Variants in ACACA observed in about 807,000 individuals in gnomAD.
ACACA encodes the protein acetyl-CoA carboxylase alpha, also known as acetyl-CoA carboxylase 1.
Under a neutral mutation model 296.1 loss-of-function variants are expected in ACACA, and 103 were observed. The ratio of observed to expected loss-of-function variants is 0.35; its 90% CI spans 0.30 to 0.41. The LOEUF (loss-of-function observed/expected upper bound fraction) is 0.41. Ranked by LOEUF, ACACA falls within the 10% of genes least tolerant of loss-of-function variation. ACACA has a pLI of 1.00. For missense variants in ACACA, 1,554 were observed against 2,989.7 expected (o/e 0.52, Z 11.20); for synonymous variants, 953 against 1,038.6 (o/e 0.92, Z 1.58).
Position 37,397,076 on chromosome 17 carries a change from C to T in ACACA, c.38+9186G>A, listed in dbSNP as rs149665164. On this transcript the variant is annotated intron_variant, in intron 1 of 55. Transcript: ENST00000616317. ...CGACAGGCGCTGATGTGTGATGTTC[C>T]CAGCCCTGTGTCCAAGTGTTCTCAT... Among the ~76,000 whole-genome samples the T allele has an allele frequency of 6.8e-3, 1,026 of 151,664 alleles. 8 individuals are homozygous for T. Among genetic ancestry groups the T allele is most frequent in the African/African-American group, 0.023 (970 of 41,324 alleles).
At chr17:37,371,001 T>G (rs977119568) in intron 1 of ACACA, among the ~76,000 whole-genome samples, 2 of 151,418 alleles carry the variant, frequency 1.3e-5, no homozygotes, top group Non-Finnish European at 2.9e-5. Flanking sequence ...AAAAAATACA[T>G]AGAGTTTGAT....
At position 37,330,429 on chromosome 17, in the gene ACACA, T is replaced by C. The variant is rs750346545; in HGVS notation, c.86-4A>G. On this transcript the variant is annotated splice_region_variant and splice_polypyrimidine_tract_variant and intron_variant, in intron 2 of 55. Transcript: ENST00000616317. The stretch of plus-strand genomic sequence containing the variant: ...CCTCCAAAATGAGCTCTTACAGCTA[T>C]GGAGAAAATGAAAAGTGAGAAAGGC... 1.1e-5 allele frequency: 17 copies of C among 1,614,164 alleles called. No individual in the cohort carries two copies. The highest frequency in any genetic ancestry group is 1.4e-5 in the Non-Finnish European group (17 of 1,180,032).
intron 14 of ACACA, among the ~76,000 whole-genome samples, chr17:37,254,228 A>G (rs977405902): frequency 6.6e-6 from 1 of 152,202 alleles, no homozygotes. Flanking sequence ...AGGTTGTAAG[A>G]AGGGAGAAAT....
intron 39 of ACACA, 68 bp from the exon 40 acceptor site, chr17:37,181,424 C>CTT: frequency 6.4e-7 from 1 of 1,554,674 alleles, no homozygotes; most frequent in South Asian, 1.1e-5. Flanking sequence ...CCTAGAGGGG[C>CTT]TTTTTTTGCA....
At chr17:37,316,316 C>A (rs1225013666) in intron 3 of ACACA, among the ~76,000 whole-genome samples, 3 of 151,692 alleles carry the variant, frequency 2.0e-5, no homozygotes, top group South Asian at 2.1e-4. Context: ...CACACACACA[C>A]ACACACACAC....
chr17:37,201,137 TATA>T (rs2078228401), intron 33 of ACACA, among the ~76,000 whole-genome samples: 1 of 152,158 alleles, frequency 6.6e-6, no homozygotes, highest in Admixed American at 6.5e-5. Flanking sequence ...AGGCGACTAG[TATA>T]TTAGAAGTCA....
chr17:37,337,444 A>T (rs74623231), intron 2 of ACACA, among the ~76,000 whole-genome samples: 1 of 118,250 alleles, frequency 8.5e-6, no homozygotes. Context: ...AAAAGTAAAG[A>T]AAACTATAGA....
intron 54 of ACACA, among the ~76,000 whole-genome samples, chr17:37,092,643 G>A (rs1263412915): frequency 6.6e-6 from 1 of 152,176 alleles, no homozygotes; most frequent in Non-Finnish European, 1.5e-5. Flanking sequence ...TTAGACAATG[G>A]TTCAGCAGGG....
chr17:37,260,287 TA>T (rs2081431990), intron 11 of ACACA, among the ~76,000 whole-genome samples: 511 of 27,480 alleles, frequency 0.019, 7 homozygotes, highest in Non-Finnish European at 0.024. Flanking sequence ...TATATATATA[TA>T]TATATATATT....
chr17:37,180,596 G>A (rs1453262010), intron 40 of ACACA, among the ~76,000 whole-genome samples: 1 of 152,106 alleles, frequency 6.6e-6, no homozygotes, highest in Non-Finnish European at 1.5e-5. Context: ...AAAATCTGCA[G>A]CATAGAGATG....
At chr17:37,185,402 CTTTTTTTTTTTTTTTT>C (rs67821579) in intron 39 of ACACA, among the ~76,000 whole-genome samples, 1 of 48,438 alleles carries the variant, frequency 2.1e-5, no homozygotes, top group Non-Finnish European at 3.7e-5. Flanking sequence ...CTGGCTATTT[CTTTTTTTTTTTTTTTT>C]TTTTTTTTTT....
chr17:37,105,017 A>AT (rs935979374), intron 52 of ACACA, among the ~76,000 whole-genome samples: 2 of 151,660 alleles, frequency 1.3e-5, no homozygotes, highest in African/African-American at 4.8e-5. Flanking sequence ...GCAGGAGGCA[A>AT]TTTTTTGCCC....
chr17:37,173,982 T>TTATATATATATATCTATATA (rs2076974895), intron 41 of ACACA, among the ~76,000 whole-genome samples: 1 of 19,450 alleles, frequency 5.1e-5, no homozygotes, highest in Non-Finnish European at 1.0e-4. Flanking sequence ...CCTGGCTAAT[T>TTATATATATATATCTATATA]TATATATATA....
chr17:37,363,486 TTTC>T (rs1440483192), intron 1 of ACACA, among the ~76,000 whole-genome samples: 2 of 151,942 alleles, frequency 1.3e-5, no homozygotes, highest in Non-Finnish European at 2.9e-5. Flanking sequence ...TGGCCGACTT[TTTC>T]TTTTTTTAAA....
intron 39 of ACACA, among the ~76,000 whole-genome samples, chr17:37,186,716 G>C (rs1047280455): frequency 1.3e-5 from 2 of 152,114 alleles, no homozygotes; most frequent in Non-Finnish European, 2.9e-5. Flanking sequence ...AGGACCCTAG[G>C]TAAAAAGCGT....
chr17:37,311,871 CAAA>C (rs758323265), intron 3 of ACACA, among the ~76,000 whole-genome samples: 18 of 67,434 alleles, frequency 2.7e-4, no homozygotes, highest in Admixed American at 3.7e-4. Context: ...GACCCTGTCT[CAAA>C]AAAAAAAAAA....
At chr17:37,388,901 G>A in intron 1 of ACACA, 1 of 1,405,430 alleles carries the variant, frequency 7.1e-7, no homozygotes, top group South Asian at 1.3e-5. Context: ...GGAATTTGAG[G>A]AGATGTGCCA....
intron 11 of ACACA, among the ~76,000 whole-genome samples, chr17:37,260,290 ATATATATTTTTTTTTTTTT>A (rs1415175977): frequency 5.7e-5 from 1 of 17,564 alleles, no homozygotes; most frequent in African/African-American, 2.2e-4. Flanking sequence ...ATATATATAT[ATATATATTTTTTTTTTTTT>A]TTTTTTTGGA....
At chr17:37,159,251 C>T (rs1339646747) in intron 42 of ACACA, among the ~76,000 whole-genome samples, 1 of 151,534 alleles carries the variant, frequency 6.6e-6, no homozygotes, top group African/African-American at 2.4e-5. Flanking sequence ...TTTTTAGTCT[C>T]ACTCTGTCAC....
Sources: gnomAD v4.1 joint callset for allele counts (sites outside exome capture counted in the v4.1 genomes callset) on GRCh38, gnomAD v4.1.1 for gene constraint, MANE v1.5 for transcripts, NCBI Gene and HGNC (gene_info 2026-07-23, HGNC 2026-07-21) for gene names.